The following USP46 variants were observed in gnomAD, a reference collection of about 807,000 sequenced individuals.
USP46 encodes the protein ubiquitin carboxyl-terminal hydrolase 46.
In USP46, 12 loss-of-function variants were observed where a neutral mutation model predicts 44.4. The observed-to-expected ratio is 0.27, with a 90% CI of 0.17 to 0.44. The LOEUF (loss-of-function observed/expected upper bound fraction) is 0.44. Among genes scored for constraint, USP46 ranks in the 20% least tolerant of loss-of-function variants. The probability of loss-of-function intolerance (pLI) is 1.00; values close to 1 mark genes in which losing one functional copy is unlikely to be tolerated. For missense variants in USP46, 248 were observed against 444.8 expected (o/e 0.56, Z 3.98); for synonymous variants, 155 against 161.5 (o/e 0.96, Z 0.31).
chr4:52,607,207 C>T (rs931552928), intron 5 of USP46, among the ~76,000 whole-genome samples: 1 of 152,154 alleles, frequency 6.6e-6, no homozygotes, highest in African/African-American at 2.4e-5. Flanking sequence ...ATGTAAAGAC[C>T]CATTTTACAA....
intron 4 of USP46, among the ~76,000 whole-genome samples, chr4:52,616,598 C>G (rs925629327): frequency 6.6e-6 from 1 of 152,162 alleles, no homozygotes; most frequent in African/African-American, 2.4e-5. Flanking sequence ...GTCTCAAACT[C>G]CCAACCTCAG....
chr4:52,599,624 C>A (rs1316548484), intron 7 of USP46, among the ~76,000 whole-genome samples: 2 of 152,128 alleles, frequency 1.3e-5, no homozygotes, highest in African/African-American at 4.8e-5. Flanking sequence ...TGGAAAAAAG[C>A]AGAAAGGACA....
intron 4 of USP46, among the ~76,000 whole-genome samples, chr4:52,613,812 T>C (rs960368013): frequency 3.3e-5 from 5 of 151,786 alleles, no homozygotes; most frequent in Non-Finnish European, 7.4e-5. Context: ...AAGATCTAAA[T>C]TTACACTATG....
intron 1 of USP46, among the ~76,000 whole-genome samples, chr4:52,647,340 A>C (rs557291800): frequency 6.6e-6 from 1 of 152,358 alleles, no homozygotes; most frequent in Non-Finnish European, 1.5e-5. Context: ...AACTATTGAT[A>C]GATGCCAGAG....
chr4:52,628,549 A>C (rs1717686062), intron 2 of USP46, among the ~76,000 whole-genome samples: 1 of 152,256 alleles, frequency 6.6e-6, no homozygotes, highest in Non-Finnish European at 1.5e-5. Context: ...GCACATTGCA[A>C]CATATCAAAA....
chr4:52,629,787 C>G, intron 2 of USP46: 1 of 454,430 alleles, frequency 2.2e-6, no homozygotes, highest in Non-Finnish European at 4.4e-6. Context: ...TCATTATCAC[C>G]CAAAGGGTAG....
chr4:52,604,727 T>A, intron 5 of USP46, 143 bp from the exon 6 acceptor site: 1 of 588,852 alleles, frequency 1.7e-6, no homozygotes, highest in Non-Finnish European at 2.8e-6. Context: ...TACTTAAGAC[T>A]AGGATGGTAG....
chr4:52,606,575 A>G (rs1413893098), intron 5 of USP46, among the ~76,000 whole-genome samples: 1 of 152,178 alleles, frequency 6.6e-6, no homozygotes, highest in African/African-American at 2.4e-5. Flanking sequence ...AACTGCTCCC[A>G]TGATTCAATT....
At chr4:52,637,837 CCT>C (rs1413795699) in intron 1 of USP46, among the ~76,000 whole-genome samples, 3 of 152,174 alleles carry the variant, frequency 2.0e-5, no homozygotes, top group South Asian at 2.1e-4. Context: ...CCCCTCATCC[CCT>C]GTTCCAATGG....
At chr4:52,633,045 CAT>C (rs1717978759) in intron 1 of USP46, among the ~76,000 whole-genome samples, 1 of 147,374 alleles carries the variant, frequency 6.8e-6, no homozygotes, top group South Asian at 2.2e-4. Context: ...AGGTAAGTTT[CAT>C]TTTTAAAAAT....
At chr4:52,656,070 C>T (rs940821786) in intron 1 of USP46, among the ~76,000 whole-genome samples, 1 of 152,180 alleles carries the variant, frequency 6.6e-6, no homozygotes, top group African/African-American at 2.4e-5. Flanking sequence ...GATAGATCTT[C>T]GTTTTTTCCT....
At chr4:52,649,193 C>G (rs1055743044) in intron 1 of USP46, among the ~76,000 whole-genome samples, 1 of 152,348 alleles carries the variant, frequency 6.6e-6, no homozygotes, top group South Asian at 2.1e-4. Context: ...AGTAGAATTT[C>G]ACTGGATCCT....
chr4:52,617,021 A>C (rs189994177), intron 4 of USP46, among the ~76,000 whole-genome samples: 32 of 152,342 alleles, frequency 2.1e-4, no homozygotes, highest in Admixed American at 1.8e-3. Context: ...GCTAGTAAAC[A>C]AAAGGGACCA....
At chr4:52,633,228 G>A (rs1450099524) in intron 1 of USP46, among the ~76,000 whole-genome samples, 4 of 152,150 alleles carry the variant, frequency 2.6e-5, no homozygotes, top group Non-Finnish European at 5.9e-5. Flanking sequence ...ATGGCACACA[G>A]CCTCCCCTCA....
At chr4:52,641,677 C>T (rs140127158) in intron 1 of USP46, among the ~76,000 whole-genome samples, 20 of 152,208 alleles carry the variant, frequency 1.3e-4, no homozygotes, top group African/African-American at 4.6e-4. Context: ...ACACAGGGAC[C>T]AGGAAGCATC....
chr4:52,612,282 A>G (rs995515671), intron 4 of USP46, among the ~76,000 whole-genome samples: 1 of 152,140 alleles, frequency 6.6e-6, no homozygotes, highest in Non-Finnish European at 1.5e-5. Context: ...ACTTACACAC[A>G]TGCATCCCCT....
intron 1 of USP46, among the ~76,000 whole-genome samples, chr4:52,647,366 T>C (rs1718584831): frequency 1.3e-5 from 2 of 152,240 alleles, no homozygotes; most frequent in African/African-American, 2.4e-5. Context: ...AATTGGACAC[T>C]GGGTCTATTT....
intron 6 of USP46, among the ~76,000 whole-genome samples, chr4:52,603,205 A>G (rs949650058): frequency 6.6e-6 from 1 of 152,218 alleles, no homozygotes; most frequent in Non-Finnish European, 1.5e-5. Flanking sequence ...GGGCTGAACA[A>G]AAAATGTCTT....
At chr4:52,610,915 G>T (rs1004994085) in intron 4 of USP46, among the ~76,000 whole-genome samples, 3 of 152,036 alleles carry the variant, frequency 2.0e-5, no homozygotes, top group Non-Finnish European at 4.4e-5. Context: ...AAAGTAGGGA[G>T]TATTATTAAA....
Sources: allele counts gnomAD v4.1 joint callset (sites outside exome capture counted in the v4.1 genomes callset), GRCh38; gene constraint gnomAD v4.1.1; transcripts MANE v1.5; gene names NCBI Gene and HGNC (gene_info 2026-07-23, HGNC 2026-07-21).